Variants in DIRAS2 observed in about 807,000 individuals in gnomAD.
The protein encoded by DIRAS2 is DIRAS family GTPase 2, also known as GTP-binding protein Di-Ras2.
In DIRAS2, 5 loss-of-function variants were observed where a neutral mutation model predicts 13.9. That is an observed-to-expected ratio of 0.36 (90% CI 0.19 to 0.76). DIRAS2 has a LOEUF of 0.76. Among genes scored for constraint, DIRAS2 ranks in the 30% least tolerant of loss-of-function variants. The probability of loss-of-function intolerance (pLI) is 0.53; values close to 1 mark genes in which losing one functional copy is unlikely to be tolerated. For missense variants in DIRAS2, 191 were observed against 263.0 expected, an observed-to-expected ratio of 0.73 and a Z score of 1.89; for synonymous variants, 111 against 105.4, an observed-to-expected ratio of 1.05 and a Z score of -0.33.
chr9:90,615,897 C>T (rs924333635), intron 1 of DIRAS2, among the ~76,000 whole-genome samples: 3 of 152,232 alleles, frequency 2.0e-5, no homozygotes, highest in Non-Finnish European at 2.9e-5. Flanking sequence ...TTAGGGAACA[C>T]ATTTAAACCA....
chr9:90,621,288 G>T (rs192731134), intron 1 of DIRAS2, among the ~76,000 whole-genome samples: 1 of 152,290 alleles, frequency 6.6e-6, no homozygotes, highest in Admixed American at 6.5e-5. Flanking sequence ...TGCAGGGTTA[G>T]AGAGGTAGGA....
intron 1 of DIRAS2, among the ~76,000 whole-genome samples, chr9:90,632,124 T>C (rs1460630610): frequency 1.3e-5 from 2 of 152,204 alleles, no homozygotes; most frequent in East Asian, 3.9e-4. Context: ...GGTGATCAGT[T>C]TGCCTCAGGC....
At chr9:90,622,430 C>G (rs1825228055) in intron 1 of DIRAS2, among the ~76,000 whole-genome samples, 1 of 151,340 alleles carries the variant, frequency 6.6e-6, no homozygotes, top group Non-Finnish European at 1.5e-5. Context: ...AATTTTCTGT[C>G]AGTAACATTT....
At chr9:90,639,705 T>C (rs1182205214) in intron 1 of DIRAS2, among the ~76,000 whole-genome samples, 1 of 152,232 alleles carries the variant, frequency 6.6e-6, no homozygotes, top group African/African-American at 2.4e-5. Context: ...GGATCCCTCG[T>C]ATCTACTCAC....
At chr9:90,621,591 G>A (rs1825219836) in intron 1 of DIRAS2, among the ~76,000 whole-genome samples, 1 of 152,160 alleles carries the variant, frequency 6.6e-6, no homozygotes, top group Admixed American at 6.6e-5. Context: ...GTTAAAAAAT[G>A]TAAGGAGATT....
Position 90,610,029 on chromosome 9 carries a change from T to C in DIRAS2, c.*3199A>G, listed in dbSNP as rs1825095572. ...TATCCCACACATATAAAAGTCATGC[T>C]CTGCAAATACTTTGTATACACACTG... On this transcript the variant is annotated 3_prime_UTR_variant, in exon 2 of 2. Coordinates refer to ENST00000375765, the MANE Select transcript of DIRAS2 (RefSeq NM_017594.5). 1 of 169,982 alleles carries C rather than the reference T, an allele frequency of 5.9e-6. No homozygotes were observed. Among genetic ancestry groups the C allele is most frequent in the Non-Finnish European group, 1.2e-5 (1 of 80,136 alleles). 10.5% of individuals were successfully genotyped at this position (169,982 alleles called of 1,614,324 possible).
chr9:90,631,596 C>T (rs1041889252), intron 1 of DIRAS2, among the ~76,000 whole-genome samples: 1 of 152,096 alleles, frequency 6.6e-6, no homozygotes, highest in Non-Finnish European at 1.5e-5. Context: ...AGATCAGCAC[C>T]ATCACTGCAA....
chr9:90,637,433 C>T (rs755101145), intron 1 of DIRAS2, among the ~76,000 whole-genome samples: 4 of 152,134 alleles, frequency 2.6e-5, no homozygotes, highest in Non-Finnish European at 5.9e-5. Flanking sequence ...CAGAATCAAA[C>T]GGTAGGTACA....
intron 1 of DIRAS2, among the ~76,000 whole-genome samples, chr9:90,628,813 G>A (rs1045477703): frequency 6.7e-6 from 1 of 149,876 alleles, no homozygotes; most frequent in Non-Finnish European, 1.5e-5. Flanking sequence ...TCCCAAAGTG[G>A]TGGGATTACA....
At chr9:90,626,584 C>T (rs547921216) in intron 1 of DIRAS2, among the ~76,000 whole-genome samples, 20 of 152,114 alleles carry the variant, frequency 1.3e-4, no homozygotes, top group East Asian at 3.9e-4. Flanking sequence ...AATGAAGTAC[C>T]GCTTCACACC....
chr9:90,629,953 A>G (rs1307903677), intron 1 of DIRAS2, among the ~76,000 whole-genome samples: 5 of 152,258 alleles, frequency 3.3e-5, no homozygotes, highest in African/African-American at 9.6e-5. Context: ...AAAAGTACAA[A>G]TGTTCCCAAT....
intron 1 of DIRAS2, among the ~76,000 whole-genome samples, chr9:90,626,645 A>T (rs1825272413): frequency 6.6e-6 from 1 of 152,216 alleles, no homozygotes; most frequent in Admixed American, 6.5e-5. Context: ...GTTAGCAAAG[A>T]TAGAGAGAAA....
Position 90,613,026 on chromosome 9 carries a change from G to T in DIRAS2, c.*202C>A. The T allele has an allele frequency of 1.5e-6, 1 of 677,274 alleles. No homozygotes were observed. The highest frequency in any genetic ancestry group is 2.4e-6 in the Non-Finnish European group (1 of 418,546). 42.0% of individuals were successfully genotyped at this position (677,274 alleles called of 1,614,324 possible). ...GAGTGTGTTGGTTTTCACTTGAACC[G>T]CCTGGCAGATTCTGTGACTCCAGAG... On this transcript the variant is annotated 3_prime_UTR_variant, in exon 2 of 2. Transcript: ENST00000375765. This position sits in a 1 kb window ranked among gnomAD's most constrained non-coding sequence, Gnocchi z 5.6.
rs1825129596 is a variant in DIRAS2, at chr9:90,612,940, C to T, written c.*288G>A. On this transcript the variant is annotated 3_prime_UTR_variant, in exon 2 of 2. Coordinates refer to ENST00000375765, the MANE Select transcript of DIRAS2 (RefSeq NM_017594.5). ...TTGTGGGTACCAGTCCTCCCTCCCA[C>T]CTTCGGGTGTTCATCGCCACCTTCA... 2.4e-6 allele frequency: 1 copy of T among 424,138 alleles called. No homozygotes were observed. Among genetic ancestry groups the T allele is most frequent in the Non-Finnish European group, 4.3e-6 (1 of 230,386 alleles). The allele number at this position is 424,138 out of a possible 1,614,324, so 26.3% of individuals were successfully genotyped here.
chr9:90,628,941 G>A (rs1168383956), intron 1 of DIRAS2, among the ~76,000 whole-genome samples: 1 of 151,832 alleles, frequency 6.6e-6, no homozygotes, highest in Non-Finnish European at 1.5e-5. Context: ...CGCAAGCTCC[G>A]CCTCCCGGGT....
At chr9:90,621,428 GGTGTT>G (rs763800093) in intron 1 of DIRAS2, among the ~76,000 whole-genome samples, 9 of 151,940 alleles carry the variant, frequency 5.9e-5, no homozygotes, top group Non-Finnish European at 1.0e-4. Flanking sequence ...AGAGAGGGCA[GGTGTT>G]AGTTCAGAAG....
chr9:90,621,282 G>T (rs4266766), intron 1 of DIRAS2, among the ~76,000 whole-genome samples: 17,864 of 152,152 alleles, frequency 0.12, 1,138 homozygotes, highest in East Asian at 0.21. Context: ...AGGTAATGCA[G>T]GGTTAGAGAG....
At chr9:90,634,383 C>T (rs140045423) in intron 1 of DIRAS2, among the ~76,000 whole-genome samples, 18 of 152,286 alleles carry the variant, frequency 1.2e-4, no homozygotes, top group Non-Finnish European at 2.6e-4. Flanking sequence ...GGTGACCGGG[C>T]AGGTTAGCAA....
At chr9:90,634,944 T>A (rs542626107) in intron 1 of DIRAS2, among the ~76,000 whole-genome samples, 1 of 152,356 alleles carries the variant, frequency 6.6e-6, no homozygotes, top group African/African-American at 2.4e-5. Flanking sequence ...CCTGAATCCT[T>A]ATTACCTAGC....
Sources: gnomAD v4.1 joint callset for allele counts (sites outside exome capture counted in the v4.1 genomes callset) on GRCh38, gnomAD v4.1.1 for gene constraint, Gnocchi (gnomAD v3.1) non-coding constraint, MANE v1.5 for transcripts, NCBI Gene and HGNC (gene_info 2026-07-23, HGNC 2026-07-21) for gene names.